The following AK5 variants were observed in gnomAD, a reference collection of about 807,000 sequenced individuals.
AK5 encodes the protein adenylate kinase 5, also known as adenylate kinase isoenzyme 5.
AK5 carries 27 observed loss-of-function variants against 69.5 expected under a neutral mutation model. The ratio of observed to expected loss-of-function variants is 0.39; its 90% confidence interval spans 0.29 to 0.54. The LOEUF (loss-of-function observed/expected upper bound fraction) is 0.54. Ranked by LOEUF, AK5 falls within the 20% of genes least tolerant of loss-of-function variation. AK5 has a pLI of 0.71. For synonymous variants in AK5, 260 were observed against 244.4 expected (o/e 1.06, Z -0.60); for missense variants, 531 against 700.4 (o/e 0.76, Z 2.73).
intron 7 of AK5, among the ~76,000 whole-genome samples, chr1:77,416,301 C>T (rs566531770): frequency 1.3e-5 from 2 of 152,276 alleles, no homozygotes; most frequent in Non-Finnish European, 2.9e-5. Flanking sequence ...GTCTTGCCAA[C>T]TCCATTCTAG....
At chr1:77,545,616 T>C (rs190243306) in intron 13 of AK5, among the ~76,000 whole-genome samples, 1 of 152,212 alleles carries the variant, frequency 6.6e-6, no homozygotes, top group Non-Finnish European at 1.5e-5. Context: ...TTTAACTCAT[T>C]CATTTCTACT....
intron 6 of AK5, among the ~76,000 whole-genome samples, chr1:77,348,482 AC>A (rs961873964): frequency 6.6e-6 from 1 of 151,774 alleles, no homozygotes; most frequent in African/African-American, 2.4e-5. Context: ...CATGTTGTGC[AC>A]ATGTACCCTA....
At chr1:77,449,530 G>A (rs1290641658) in intron 8 of AK5, among the ~76,000 whole-genome samples, 1 of 152,206 alleles carries the variant, frequency 6.6e-6, no homozygotes, top group Non-Finnish European at 1.5e-5. Context: ...CCTTGTCTCA[G>A]ATGAGACTTT....
intron 12 of AK5, chr1:77,531,982 G>C (rs1320158681): frequency 9.3e-6 from 1 of 107,052 alleles, no homozygotes; most frequent in African/African-American, 2.7e-5. Context: ...CTCACTGCCT[G>C]CGGCCATCCG....
At chr1:77,324,980 C>CTTTGTTTTTTTTTTTT (rs1660722392) in intron 5 of AK5, among the ~76,000 whole-genome samples, 1 of 139,198 alleles carries the variant, frequency 7.2e-6, no homozygotes, top group Non-Finnish European at 1.5e-5. Flanking sequence ...TTACGAGCTA[C>CTTTGTTTTTTTTTTTT]TTTTTTTTTT....
intron 8 of AK5, among the ~76,000 whole-genome samples, chr1:77,445,380 G>T (rs758795361): frequency 6.6e-6 from 1 of 152,158 alleles, no homozygotes; most frequent in South Asian, 2.1e-4. Flanking sequence ...CATTATTAGG[G>T]ATGTTGAGTA....
intron 12 of AK5, among the ~76,000 whole-genome samples, chr1:77,526,208 T>C (rs941122179): frequency 8.5e-5 from 13 of 152,070 alleles, no homozygotes; most frequent in African/African-American, 2.9e-4. Flanking sequence ...TGTGCAGGGC[T>C]GGGGGGTTGG....
intron 13 of AK5, among the ~76,000 whole-genome samples, chr1:77,557,567 G>A (rs1215262257): frequency 6.6e-6 from 1 of 152,034 alleles, no homozygotes; most frequent in African/African-American, 2.4e-5. Context: ...TCCTCCTTGG[G>A]CTAGCATGCC....
At chr1:77,391,525 A>ACATATG in intron 6 of AK5, among the ~76,000 whole-genome samples, 1 of 121,682 alleles carries the variant, frequency 8.2e-6, no homozygotes, top group Non-Finnish European at 1.7e-5. Context: ...ATATATATAT[A>ACATATG]TATCTCCTCA....
intron 12 of AK5, among the ~76,000 whole-genome samples, chr1:77,530,048 A>G (rs1427659232): frequency 1.3e-5 from 2 of 152,172 alleles, no homozygotes; most frequent in African/African-American, 4.8e-5. Flanking sequence ...GTTTCTGTTT[A>G]TAAGTGTATT....
At chr1:77,407,577 T>C (rs1649744223) in intron 6 of AK5, among the ~76,000 whole-genome samples, 1 of 152,196 alleles carries the variant, frequency 6.6e-6, no homozygotes, top group South Asian at 2.1e-4. Context: ...ATTTTTATGA[T>C]GGTTTCACGG....
chr1:77,480,662 C>G (rs1326929392), intron 8 of AK5, among the ~76,000 whole-genome samples: 1 of 152,168 alleles, frequency 6.6e-6, no homozygotes, highest in African/African-American at 2.4e-5. Flanking sequence ...TAGATAGATT[C>G]AATAGCTGTT....
chr1:77,504,257 A>G (rs1050208886), intron 10 of AK5, among the ~76,000 whole-genome samples: 3 of 152,140 alleles, frequency 2.0e-5, no homozygotes, highest in African/African-American at 7.2e-5. Context: ...ATCTCTCCTA[A>G]AACAGATTGG....
At chr1:77,556,828 A>C (rs1311114969) in intron 13 of AK5, among the ~76,000 whole-genome samples, 1 of 152,168 alleles carries the variant, frequency 6.6e-6, no homozygotes, top group African/African-American at 2.4e-5. Flanking sequence ...CAACAAAATC[A>C]TGTGGAGAAT....
At chr1:77,523,303 G>C (rs1465014061) in intron 12 of AK5, among the ~76,000 whole-genome samples, 2 of 152,130 alleles carry the variant, frequency 1.3e-5, no homozygotes, top group African/African-American at 4.8e-5. Context: ...GCTTCCATCA[G>C]CAAGATGGGG....
chr1:77,479,725 A>G (rs1440245336), intron 8 of AK5, among the ~76,000 whole-genome samples: 1 of 152,214 alleles, frequency 6.6e-6, no homozygotes, highest in Non-Finnish European at 1.5e-5. Context: ...GTTTAATACT[A>G]TGGAAAGTCA....
intron 10 of AK5, among the ~76,000 whole-genome samples, chr1:77,488,398 T>TAC (rs10635433): frequency 0.93 from 142,151 of 152,184 alleles, 66,636 homozygotes; most frequent in East Asian, 1. Flanking sequence ...ATCCAGACCA[T>TAC]ACAGAGTCTT....
At chr1:77,552,608 A>C (rs1659877249) in intron 13 of AK5, among the ~76,000 whole-genome samples, 1 of 152,230 alleles carries the variant, frequency 6.6e-6, no homozygotes, top group Non-Finnish European at 1.5e-5. Flanking sequence ...GGTTGTTGTA[A>C]TGAGCAAATG....
chr1:77,478,647 A>G (rs1655084782), intron 8 of AK5, among the ~76,000 whole-genome samples: 1 of 152,246 alleles, frequency 6.6e-6, no homozygotes, highest in Admixed American at 6.5e-5. Context: ...GCAATGCCAC[A>G]GAAATTGGTT....
Sources: gnomAD v4.1 joint callset for allele counts (sites outside exome capture counted in the v4.1 genomes callset) on GRCh38, gnomAD v4.1.1 for gene constraint, MANE v1.5 for transcripts, NCBI Gene and HGNC (gene_info 2026-07-23, HGNC 2026-07-21) for gene names.